NTN1: variants seen among roughly 807,000 people sequenced by gnomAD.
NTN1 encodes netrin-1.
In NTN1, 11 loss-of-function variants were observed where a neutral mutation model predicts 54.2. The ratio of observed to expected loss-of-function variants is 0.20; its 90% CI spans 0.13 to 0.34. NTN1 has a LOEUF of 0.34. NTN1 is among the 10% of genes least tolerant of loss of function. The pLI is 1.00. For synonymous variants in NTN1, 371 were observed against 382.0 expected (o/e 0.97, Z 0.33); for missense variants, 740 against 893.1 (o/e 0.83, Z 2.18).
At chr17:9,199,349 C>T (rs1904721968) in intron 5 of NTN1, among the ~76,000 whole-genome samples, 1 of 152,206 alleles carries the variant, frequency 6.6e-6, no homozygotes, top group Non-Finnish European at 1.5e-5. Context: ...AACATGTTGG[C>T]CAGGCTGGTC....
chr17:9,200,325 C>CGGTG (rs1211463893), intron 5 of NTN1, among the ~76,000 whole-genome samples: 2 of 152,202 alleles, frequency 1.3e-5, no homozygotes, highest in African/African-American at 4.8e-5. Flanking sequence ...GGGGCTGGCC[C>CGGTG]GGTGGGAGCA....
intron 2 of NTN1, among the ~76,000 whole-genome samples, chr17:9,061,301 C>G (rs573091774): frequency 1.3e-5 from 2 of 152,194 alleles, no homozygotes; most frequent in South Asian, 2.1e-4. Context: ...GTGGCTGATT[C>G]TAGGCAGGTG....
chr17:9,239,920 G>A lies in NTN1; in HGVS notation c.1767G>A (p.Leu589=). 14 of 1,409,700 alleles carry A rather than the reference G, an allele frequency of 9.9e-6. No homozygotes were observed. The highest frequency in any genetic ancestry group is 1.3e-5 in the Non-Finnish European group (14 of 1,053,650). The allele number at this position is 1,409,700 out of a possible 1,614,324, so 87.3% of individuals were successfully genotyped here. Reference sequence around the variant, plus strand: ...GGCGGGACACGTGGGCGCGGCGGCTGCGCAAGTTCCAGCAGCGTGAGAAGA... The same window carrying A: ...GGCGGGACACGTGGGCGCGGCGGCTACGCAAGTTCCAGCAGCGTGAGAAGA... ...IQWRDTWARR[L]RKFQQREKKG... The change falls in exon 7 of 7, where the codon CTG becomes CTA. Residue 589 remains leucine, a synonymous_variant. Coordinates refer to ENST00000173229, the MANE Select transcript of NTN1 (RefSeq NM_004822.3). This position sits in a 1 kb window ranked among gnomAD's most constrained non-coding sequence, Gnocchi z 5.2.
intron 5 of NTN1, among the ~76,000 whole-genome samples, chr17:9,195,683 G>A (rs1407557881): frequency 6.6e-6 from 1 of 152,142 alleles, no homozygotes; most frequent in Admixed American, 6.5e-5. Flanking sequence ...GGGACTTGTA[G>A]CAACTGGGTC....
chr17:9,059,227 C>A (rs1462833228), intron 2 of NTN1, among the ~76,000 whole-genome samples: 1 of 152,118 alleles, frequency 6.6e-6, no homozygotes, highest in African/African-American at 2.4e-5. Context: ...GCAGCAGGTA[C>A]AGATGGAGGA....
intron 6 of NTN1, among the ~76,000 whole-genome samples, chr17:9,229,998 T>TCA (rs1905750282): frequency 6.6e-6 from 1 of 151,976 alleles, no homozygotes; most frequent in Admixed American, 6.5e-5. Context: ...GGGGAGGGTC[T>TCA]CACCACTCCC....
At chr17:9,013,146 G>A in the NTN1 span, among the ~76,000 whole-genome samples, 10 of 151,834 alleles carry the variant, frequency 6.6e-5, no homozygotes, top group African/African-American at 1.2e-4. Context: ...TCTGCCCAGG[G>A]AAGAATCTTC....
the NTN1 span, among the ~76,000 whole-genome samples, chr17:9,015,929 C>T: frequency 2.0e-5 from 3 of 151,900 alleles, no homozygotes; most frequent in East Asian, 3.9e-4. Context: ...AAAAAATTAG[C>T]CAGGCATGGT....
chr17:9,127,522 T>C (rs946620260), intron 2 of NTN1, among the ~76,000 whole-genome samples: 7 of 151,512 alleles, frequency 4.6e-5, no homozygotes, highest in Non-Finnish European at 8.8e-5. Context: ...CAGGCTGGAG[T>C]GAAGGACGGT....
the NTN1 span, among the ~76,000 whole-genome samples, chr17:9,010,781 C>T: frequency 6.6e-6 from 1 of 152,164 alleles, no homozygotes; most frequent in East Asian, 1.9e-4. Context: ...TTTTTGGGAC[C>T]AAGGACCAGT....
At chr17:9,028,250 G>A (rs961376074) in intron 2 of NTN1, among the ~76,000 whole-genome samples, 2 of 152,224 alleles carry the variant, frequency 1.3e-5, no homozygotes, top group Admixed American at 1.3e-4. Flanking sequence ...GTGGATGGGG[G>A]ATGGTATGTC....
rs562395431 is a variant in NTN1, at chr17:9,085,157, C to T, written c.1018+61766C>T. The stretch of plus-strand genomic sequence containing the variant: ...TCAAGCGAGGTGGATACCTCTTTCC[C>T]TCACTTCGTGGCTGGGTGGTGGGGA... On this transcript the variant is annotated intron_variant, in intron 2 of 6. Coordinates refer to ENST00000173229, the MANE Select transcript of NTN1 (RefSeq NM_004822.3). Among the ~76,000 whole-genome samples, 67 of 152,340 alleles carry T rather than the reference C, an allele frequency of 4.4e-4. 1 individual carries two copies. The East Asian group carries it at 9.3e-3, about 21-fold the overall frequency.
intron 2 of NTN1, among the ~76,000 whole-genome samples, chr17:9,162,222 C>T (rs2092359081): frequency 6.6e-6 from 1 of 152,146 alleles, no homozygotes; most frequent in Non-Finnish European, 1.5e-5. Context: ...AAGGGGAGGC[C>T]AGGCTGGCAG....
the NTN1 span, among the ~76,000 whole-genome samples, chr17:9,015,946 C>T: frequency 3.2e-4 from 49 of 151,438 alleles, no homozygotes; most frequent in African/African-American, 1.1e-3. Context: ...TGGTGGTGGG[C>T]GCCTGTAATC....
At chr17:9,206,539 G>A (rs939958466) in intron 5 of NTN1, among the ~76,000 whole-genome samples, 4 of 152,100 alleles carry the variant, frequency 2.6e-5, no homozygotes, top group Non-Finnish European at 5.9e-5. Flanking sequence ...CCTCCCAGAA[G>A]TCCACCCCAG....
intron 2 of NTN1, among the ~76,000 whole-genome samples, chr17:9,156,846 A>C (rs1310036832): frequency 6.6e-6 from 1 of 152,038 alleles, no homozygotes; most frequent in East Asian, 1.9e-4. Flanking sequence ...CTACCTGTCT[A>C]ACTATCTAAC....
At chr17:9,009,094 T>A in the NTN1 span, among the ~76,000 whole-genome samples, 1 of 152,186 alleles carries the variant, frequency 6.6e-6, no homozygotes, top group African/African-American at 2.4e-5. Flanking sequence ...GTCTTGGGAC[T>A]TTTGCACATG....
chr17:9,022,159 G>A (rs1380863247), intron 1 of NTN1, among the ~76,000 whole-genome samples, 152 bp from the exon 2 acceptor site: 1 of 152,116 alleles, frequency 6.6e-6, no homozygotes, highest in Non-Finnish European at 1.5e-5. Flanking sequence ...CGGCTTCGCC[G>A]CCCGCGGGAC....
chr17:9,048,207 G>A (rs1310114854), intron 2 of NTN1, among the ~76,000 whole-genome samples: 3 of 152,200 alleles, frequency 2.0e-5, no homozygotes, highest in African/African-American at 4.8e-5. Context: ...CAGAATGGAT[G>A]TTGTGTTAGC....
Sources: gnomAD v4.1 joint callset for allele counts (sites outside exome capture counted in the v4.1 genomes callset) on GRCh38, gnomAD v4.1.1 for gene constraint, Gnocchi (gnomAD v3.1) non-coding constraint, MANE v1.5 for transcripts, NCBI Gene and HGNC (gene_info 2026-07-23, HGNC 2026-07-21) for gene names.